CDH5: variants seen among roughly 807,000 people sequenced by gnomAD.
CDH5 encodes the protein cadherin-5.
CDH5 carries 28 observed loss-of-function variants against 62.0 expected under a neutral mutation model. The ratio of observed to expected loss-of-function variants is 0.45; its 90% CI spans 0.33 to 0.62. The LOEUF is 0.62. Among genes scored for constraint, CDH5 ranks in the 20% least tolerant of loss-of-function variants. The pLI is 0.02. For missense variants in CDH5, 940 were observed against 1,065.1 expected, an observed-to-expected ratio of 0.88 and a Z score of 1.63; for synonymous variants, 464 against 445.8, an observed-to-expected ratio of 1.04 and a Z score of -0.52.
intron 1 of CDH5, among the ~76,000 whole-genome samples, chr16:66,374,158 G>A (rs1960742747): frequency 1.3e-5 from 2 of 152,316 alleles, no homozygotes; most frequent in South Asian, 4.1e-4. Context: ...AAGGGTTGTT[G>A]CAAGGTTTAA....
At chr16:66,371,696 G>T (rs1161053853) in intron 1 of CDH5, among the ~76,000 whole-genome samples, 1 of 152,224 alleles carries the variant, frequency 6.6e-6, no homozygotes, top group African/African-American at 2.4e-5. Context: ...ATACTGCAAA[G>T]CCCAGACTTG....
At chr16:66,389,785 G>A (rs1442387673) in intron 5 of CDH5, among the ~76,000 whole-genome samples, 3 of 152,254 alleles carry the variant, frequency 2.0e-5, no homozygotes, top group Non-Finnish European at 2.9e-5. Context: ...TGCCACCACT[G>A]TACTGTGTCC....
At chr16:66,380,539 G>A (rs906192289) in intron 2 of CDH5, among the ~76,000 whole-genome samples, 3 of 151,782 alleles carry the variant, frequency 2.0e-5, no homozygotes, top group African/African-American at 4.8e-5. Flanking sequence ...AGTGATGGTG[G>A]TGATCATGGT....
At position 66,400,991 on chromosome 16, in the gene CDH5, C is replaced by T; in HGVS notation, c.1812C>T (p.Ile604=). The change falls in exon 11 of 12, where the codon ATC becomes ATT. Residue 604 remains isoleucine, a synonymous_variant. Transcript: ENST00000341529. The part of the protein sequence containing the change: ...VGVSIQAVVA[I]LLCILTITVI... ...TGAGCATCCAGGCAGTGGTAGCCAT[C>T]TTACTCTGCATCCTCACCATCACAG... The T allele has an allele frequency of 1.9e-6, 3 of 1,614,070 alleles. No homozygotes were observed. Among genetic ancestry groups the T allele is most frequent in the Non-Finnish European group, 2.5e-6 (3 of 1,180,054 alleles).
chr16:66,390,147 C>T (rs901278931), intron 5 of CDH5, among the ~76,000 whole-genome samples: 1 of 152,184 alleles, frequency 6.6e-6, no homozygotes, highest in Admixed American at 6.5e-5. Context: ...TCTCTCTTGT[C>T]CATTGATAGG....
intron 1 of CDH5, among the ~76,000 whole-genome samples, chr16:66,373,134 T>G (rs1361702607): frequency 1.3e-5 from 2 of 152,186 alleles, no homozygotes; most frequent in Non-Finnish European, 2.9e-5. Flanking sequence ...ACCCTCTGAA[T>G]GTCTGGGGTG....
chr16:66,379,135 CG>C (rs1211766712), intron 1 of CDH5, 183 bp from the exon 2 acceptor site: 9 of 545,518 alleles, frequency 1.6e-5, no homozygotes, highest in Non-Finnish European at 2.2e-5. Flanking sequence ...GTCCTAAAAC[CG>C]ACCTTTCATC....
chr16:66,390,335 C>A, intron 5 of CDH5, 68 bp from the exon 6 acceptor site: 1 of 1,188,522 alleles, frequency 8.4e-7, no homozygotes, highest in Non-Finnish European at 1.2e-6. Context: ...GTTAGAATAG[C>A]TGAAAGAGGC....
intron 2 of CDH5, among the ~76,000 whole-genome samples, chr16:66,379,913 A>G (rs1458146833): frequency 7.3e-6 from 1 of 137,714 alleles, no homozygotes; most frequent in Admixed American, 7.2e-5. Context: ...GGTGGTGATG[A>G]TAAAGGGGTA....
rs1031269126 is a variant in CDH5, at chr16:66,400,675, G to T, written c.1592-96G>T. The T allele has an allele frequency of 6.9e-6, 10 of 1,457,382 alleles. No homozygotes were observed. The African/African-American group carries it at 1.4e-4, about 20-fold the overall frequency. 90.3% of individuals were successfully genotyped at this position (1,457,382 alleles called of 1,614,324 possible). Reference sequence around the variant, plus strand: ...GGCAGAAAAGCAGCCCAGGGAGCACGCAGGCTGGTGCAGTCAGGGAGGGCT... The same window carrying T: ...GGCAGAAAAGCAGCCCAGGGAGCACTCAGGCTGGTGCAGTCAGGGAGGGCT... On this transcript the variant is annotated intron_variant, in intron 10 of 11. Transcript: ENST00000341529.
chr16:66,401,810 C>G, intron 11 of CDH5, among the ~76,000 whole-genome samples: 1 of 152,218 alleles, frequency 6.6e-6, no homozygotes, highest in Non-Finnish European at 1.5e-5. Flanking sequence ...CTGCATTTCA[C>G]TCGCCATGAG....
intron 7 of CDH5, 53 bp downstream of exon 7, chr16:66,392,436 C>A: frequency 6.2e-7 from 1 of 1,602,542 alleles, no homozygotes; most frequent in South Asian, 1.1e-5. Flanking sequence ...CCTGGATGTT[C>A]CTATGCCTGC....
At position 66,392,397 on chromosome 16, in the gene CDH5, T is replaced by A; in HGVS notation, c.1217+14T>A. The stretch of plus-strand genomic sequence containing the variant: ...GCATAGCATTGGGTAAGGGGGCGTG[T>A]GTCGATGAGAATGATAAGGACAATC... On this transcript the variant is annotated intron_variant, in intron 7 of 11. Transcript: ENST00000341529. 1 of 1,613,796 alleles carries A rather than the reference T, an allele frequency of 6.2e-7. No homozygotes were observed. The highest frequency in any genetic ancestry group is 8.5e-7 in the Non-Finnish European group (1 of 1,179,826).
At chr16:66,397,876 C>G in intron 8 of CDH5, 106 bp from the exon 9 acceptor site, 1 of 1,309,342 alleles carries the variant, frequency 7.6e-7, no homozygotes, top group South Asian at 1.3e-5. Context: ...ACAGCCTCCT[C>G]CTGCAAAAAG....
chr16:66,384,962 A>AAAAC (rs4036983), intron 2 of CDH5, among the ~76,000 whole-genome samples: 24,075 of 151,754 alleles, frequency 0.16, 2,214 homozygotes, highest in South Asian at 0.27. Flanking sequence ...CTAAACTCAA[A>AAAAC]AAACAAACAA....
chr16:66,378,791 C>T (rs77082625), intron 1 of CDH5, among the ~76,000 whole-genome samples: 3 of 152,286 alleles, frequency 2.0e-5, no homozygotes, highest in Non-Finnish European at 4.4e-5. Flanking sequence ...TTCACCCTCC[C>T]CAGTTCGGAG....
intron 1 of CDH5, among the ~76,000 whole-genome samples, chr16:66,374,692 T>C (rs1357916048): frequency 7.2e-6 from 1 of 138,618 alleles, no homozygotes; most frequent in Non-Finnish European, 1.6e-5. Context: ...GCCGTGCATC[T>C]TTTTTTTTTT....
intron 6 of CDH5, among the ~76,000 whole-genome samples, chr16:66,391,510 C>T (rs1467977798): frequency 5.3e-5 from 8 of 152,066 alleles, no homozygotes; most frequent in Non-Finnish European, 7.4e-5. Flanking sequence ...CGGTGGTTCA[C>T]GCCTCTAATC....
chr16:66,375,612 C>A (rs1960771105), intron 1 of CDH5, among the ~76,000 whole-genome samples: 1 of 152,062 alleles, frequency 6.6e-6, no homozygotes, highest in Non-Finnish European at 1.5e-5. Flanking sequence ...ATGAGTGGAG[C>A]TTCCAGGACT....
Sources: gnomAD v4.1 joint callset for allele counts (sites outside exome capture counted in the v4.1 genomes callset) on GRCh38, gnomAD v4.1.1 for gene constraint, MANE v1.5 for transcripts, NCBI Gene and HGNC (gene_info 2026-07-23, HGNC 2026-07-21) for gene names.